TMEM132E: variants seen among roughly 807,000 people sequenced by gnomAD.
The protein encoded by TMEM132E is transmembrane protein 132E.
Under a neutral mutation model 78.5 loss-of-function variants are expected in TMEM132E, and 49 were observed. That is an observed-to-expected ratio of 0.62 (90% confidence interval 0.50 to 0.79). The LOEUF is 0.79. Ranked by LOEUF, TMEM132E falls within the 30% of genes least tolerant of loss-of-function variation. The probability of loss-of-function intolerance (pLI) is 0.00; values close to 1 mark genes in which losing one functional copy is unlikely to be tolerated. For missense variants in TMEM132E, 1,403 were observed against 1,470.9 expected (o/e 0.95, Z 0.75); for synonymous variants, 715 against 670.6 (o/e 1.07, Z -1.02).
chr17:34,588,539 G>A (rs975873406), intron 1 of TMEM132E, among the ~76,000 whole-genome samples: 15 of 152,310 alleles, frequency 9.8e-5, no homozygotes, highest in East Asian at 5.8e-4. Context: ...CGCTTACTAC[G>A]TGCCAAGCAC....
At chr17:34,637,043 C>A in intron 8 of TMEM132E, 134 bp from the exon 9 acceptor site, 1 of 761,282 alleles carries the variant, frequency 1.3e-6, no homozygotes, top group Non-Finnish European at 2.1e-6. Context: ...AGGTCACAGG[C>A]ACAGTTCCAG....
chr17:34,581,412 G>A (rs920384139), intron 1 of TMEM132E, among the ~76,000 whole-genome samples: 1 of 151,940 alleles, frequency 6.6e-6, no homozygotes, highest in Non-Finnish European at 1.5e-5. Flanking sequence ...CGAACCCGAA[G>A]GTCTGGGGTC....
intron 1 of TMEM132E, among the ~76,000 whole-genome samples, chr17:34,621,318 G>A (rs542613009): frequency 2.0e-5 from 3 of 152,278 alleles, no homozygotes; most frequent in South Asian, 4.1e-4. Flanking sequence ...TTCCTGGCTC[G>A]TAGACAGCTA....
At chr17:34,611,257 C>T (rs181550990) in intron 1 of TMEM132E, among the ~76,000 whole-genome samples, 1 of 152,124 alleles carries the variant, frequency 6.6e-6, no homozygotes, top group Non-Finnish European at 1.5e-5. Flanking sequence ...AACTCAAGAG[C>T]AGGCAGGGGT....
intron 1 of TMEM132E, among the ~76,000 whole-genome samples, chr17:34,592,762 T>C (rs889052759): frequency 3.9e-5 from 6 of 152,232 alleles, no homozygotes; most frequent in African/African-American, 1.2e-4. Flanking sequence ...TATTTCATAA[T>C]GGTATCATTG....
Position 34,626,856 on chromosome 17 carries a change from A to C in TMEM132E, c.797A>C (p.His266Pro). 2 of 1,602,574 alleles carry C rather than the reference A, an allele frequency of 1.2e-6. No individual in the cohort carries two copies. The highest frequency in any genetic ancestry group is 1.7e-6 in the Non-Finnish European group (2 of 1,177,964). Residue 266 changes from histidine (H) to proline (P), a missense_variant, in exon 2 of 9, where the codon CAC becomes CCC. By Grantham distance (77) the His-to-Pro change is moderately conservative. Transcript: ENST00000631683. ...VGARAESPTQ[H>P]PLLRIGSISL... ...GCCCGAGCGGAAAGCCCTACCCAGC[A>C]CCCCCTGCTGCGCATCGGGAGCATC...
chr17:34,607,541 A>G (rs1242517355), intron 1 of TMEM132E, among the ~76,000 whole-genome samples: 2 of 152,158 alleles, frequency 1.3e-5, no homozygotes, highest in African/African-American at 2.4e-5. Flanking sequence ...CCACAATTCA[A>G]TTTAGTTCTG....
chr17:34,628,743 C>T (rs760853429), intron 3 of TMEM132E, 34 bp downstream of exon 3: 25 of 1,543,420 alleles, frequency 1.6e-5, no homozygotes, highest in South Asian at 1.3e-4. Flanking sequence ...CCCACCTCTT[C>T]GCAAAGCAGC....
chr17:34,622,922 G>T (rs947051904), intron 1 of TMEM132E, among the ~76,000 whole-genome samples: 2 of 152,198 alleles, frequency 1.3e-5, no homozygotes, highest in African/African-American at 2.4e-5. Context: ...CAGTGGTGGG[G>T]CTGGGGGAGA....
At chr17:34,595,667 A>AG (rs996973769) in intron 1 of TMEM132E, among the ~76,000 whole-genome samples, 1 of 152,318 alleles carries the variant, frequency 6.6e-6, no homozygotes, top group African/African-American at 2.4e-5. Flanking sequence ...AAGTCCAGAG[A>AG]GGGGAGGAGT....
At chr17:34,617,986 C>A (rs1446345231) in intron 1 of TMEM132E, among the ~76,000 whole-genome samples, 2 of 152,184 alleles carry the variant, frequency 1.3e-5, no homozygotes, top group African/African-American at 4.8e-5. Context: ...GTGTTTACAT[C>A]TTTGTACATA....
Position 34,626,248 on chromosome 17 carries a change from C to T in TMEM132E, c.189C>T (p.Pro63=), listed in dbSNP as rs867741927. The change falls in exon 2 of 9, where the codon CCC becomes CCT. Residue 63 remains proline, a synonymous_variant. Coordinates refer to ENST00000631683, the MANE Select transcript of TMEM132E (RefSeq NM_001304438.2). ...RLAFFLREAR[P]PSPAVANSSL... is the part of the protein sequence containing the mutation. Reference sequence around the variant, plus strand: ...CCTTCTTCCTGCGGGAGGCGCGGCCCCCGTCACCCGCGGTCGCCAACAGCT... The same window carrying T: ...CCTTCTTCCTGCGGGAGGCGCGGCCTCCGTCACCCGCGGTCGCCAACAGCT... 8.1e-6 allele frequency: 13 copies of T among 1,599,416 alleles called. No homozygotes were observed. The highest frequency in any genetic ancestry group is 1.7e-4 in the Middle Eastern group (1 of 5,966).
At chr17:34,622,019 C>A (rs916030135) in intron 1 of TMEM132E, among the ~76,000 whole-genome samples, 1 of 152,240 alleles carries the variant, frequency 6.6e-6, no homozygotes, top group Admixed American at 6.5e-5. Context: ...CTTCAAGGAA[C>A]CTTCCAGTAG....
chr17:34,622,971 C>G (rs548108849), intron 1 of TMEM132E, among the ~76,000 whole-genome samples: 240 of 151,882 alleles, frequency 1.6e-3, no homozygotes, highest in Middle Eastern at 3.4e-3. Context: ...GAGTATGTCC[C>G]TAAACAAAGA....
At chr17:34,591,635 C>T (rs1468921087) in intron 1 of TMEM132E, among the ~76,000 whole-genome samples, 1 of 152,224 alleles carries the variant, frequency 6.6e-6, no homozygotes, top group Non-Finnish European at 1.5e-5. Flanking sequence ...TAATGGAGAA[C>T]CAGCCTACCT....
Position 34,626,128 on chromosome 17 carries a change from C to A in TMEM132E, c.69C>A (p.Ala23=), listed in dbSNP as rs775043144. The A allele has an allele frequency of 1.3e-6, 2 of 1,514,750 alleles. No homozygotes were observed. The highest frequency in any genetic ancestry group is 2.8e-5 in the African/African-American group (2 of 72,186). The allele number at this position is 1,514,750 out of a possible 1,614,324, so 93.8% of individuals were successfully genotyped here. The part of the protein sequence containing the change: ...LLCLSALLAH[A]SGRSHPASPS... ...CCTCTTTCCTCTGTCTGTCCCCAGCCTCTGGCCGCTCCCACCCGGCCAGCC... is the reference window on the plus strand; with the variant it reads ...CCTCTTTCCTCTGTCTGTCCCCAGCATCTGGCCGCTCCCACCCGGCCAGCC... The change falls in exon 2 of 9, where the codon GCC becomes GCA. Residue 23 remains alanine (A), a splice_region_variant and synonymous_variant. Transcript: ENST00000631683.
At chr17:34,631,902 C>T (rs1907359600) in intron 5 of TMEM132E, among the ~76,000 whole-genome samples, 1 of 152,230 alleles carries the variant, frequency 6.6e-6, no homozygotes, top group Non-Finnish European at 1.5e-5. Context: ...ATTTAACACA[C>T]AGAGCCATCT....
chr17:34,601,616 A>G (rs1422493354), intron 1 of TMEM132E, among the ~76,000 whole-genome samples: 1 of 152,248 alleles, frequency 6.6e-6, no homozygotes, highest in Non-Finnish European at 1.5e-5. Context: ...ATGCACCAGC[A>G]GCTGGGCCAT....
At chr17:34,594,289 C>G (rs1005613010) in intron 1 of TMEM132E, among the ~76,000 whole-genome samples, 1 of 152,204 alleles carries the variant, frequency 6.6e-6, no homozygotes, top group African/African-American at 2.4e-5. Flanking sequence ...AACTGCTCAC[C>G]CTTTCCACCC....
Sources: gnomAD v4.1 joint callset for allele counts (sites outside exome capture counted in the v4.1 genomes callset) on GRCh38, gnomAD v4.1.1 for gene constraint, MANE v1.5 for transcripts, NCBI Gene and HGNC (gene_info 2026-07-23, HGNC 2026-07-21) for gene names.